GALNT17: variants seen among roughly 807,000 people sequenced by gnomAD.
GALNT17 encodes the protein UDP-GalNAc:polypeptide N-acetylgalactosaminyltransferase-like 3.
In GALNT17, 29 loss-of-function variants were observed where a neutral mutation model predicts 63.7. The observed-to-expected ratio is 0.46, with a 90% CI of 0.34 to 0.62. The LOEUF is 0.62. Ranked by LOEUF, GALNT17 falls within the 20% of genes least tolerant of loss-of-function variation. The probability of loss-of-function intolerance (pLI) is 0.01; values close to 1 mark genes in which losing one functional copy is unlikely to be tolerated. For missense variants in GALNT17, 603 were observed against 799.6 expected (o/e 0.75, Z 2.97); for synonymous variants, 305 against 318.3 (o/e 0.96, Z 0.45).
At chr7:71,620,782 C>T (rs1790278444) in intron 6 of GALNT17, among the ~76,000 whole-genome samples, 1 of 152,186 alleles carries the variant, frequency 6.6e-6, no homozygotes, top group African/African-American at 2.4e-5. Flanking sequence ...AAGCATAAAG[C>T]CTTGTCAGTG....
At position 71,416,038 on chromosome 7, in the gene GALNT17, G is replaced by T. The variant is rs1278253035; in HGVS notation, c.739G>T (p.Ala247Ser). ...CGGGCAGGTCACTGGCTTCTTTGAT[G>T]CCCACGTGGAATTCACCGCTGGCTG... is the stretch of plus-strand genomic sequence containing the variant. ...ATGQVTGFFDAHVEFTAGWAE... is the reference protein window; with the variant it reads ...ATGQVTGFFDSHVEFTAGWAE... The change falls in exon 4 of 11, where the codon GCC becomes TCC. Residue 247 changes from alanine (A) to serine (S), a missense_variant. Physicochemically the swap from Ala to Ser is moderately conservative, Grantham distance 99 (BLOSUM62 1). Coordinates refer to ENST00000333538, the MANE Select transcript of GALNT17 (RefSeq NM_022479.3). 6.2e-7 allele frequency: 1 copy of T among 1,612,912 alleles called. No individual in the cohort carries two copies. Among genetic ancestry groups the T allele is most frequent in the Non-Finnish European group, 8.5e-7 (1 of 1,179,602 alleles).
chr7:71,230,898 T>A (rs1789776157), intron 1 of GALNT17, among the ~76,000 whole-genome samples: 1 of 152,050 alleles, frequency 6.6e-6, no homozygotes, highest in Non-Finnish European at 1.5e-5. Context: ...GTGTTAGAGT[T>A]GTAAAGTCTT....
intron 6 of GALNT17, among the ~76,000 whole-genome samples, chr7:71,639,515 G>A (rs1295602110): frequency 1.3e-5 from 2 of 152,136 alleles, no homozygotes; most frequent in Non-Finnish European, 1.5e-5. Context: ...GACACTGAGC[G>A]ATTGCACGAG....
At chr7:71,358,581 G>T (rs963791742) in intron 2 of GALNT17, among the ~76,000 whole-genome samples, 1 of 152,110 alleles carries the variant, frequency 6.6e-6, no homozygotes. Context: ...CTTGCGCTCT[G>T]TATGAAGGTT....
At chr7:71,693,920 A>G (rs1791501132) in intron 9 of GALNT17, among the ~76,000 whole-genome samples, 1 of 152,016 alleles carries the variant, frequency 6.6e-6, no homozygotes. Context: ...GGAAGCTAAT[A>G]TCCACATTTG....
intron 2 of GALNT17, among the ~76,000 whole-genome samples, chr7:71,351,006 T>C (rs982384563): frequency 5.3e-5 from 8 of 152,186 alleles, no homozygotes; most frequent in Non-Finnish European, 1.0e-4. Flanking sequence ...CTGGGCATAG[T>C]GTTACACACC....
At chr7:71,381,210 CT>C (rs1563051006) in intron 2 of GALNT17, among the ~76,000 whole-genome samples, 2 of 151,892 alleles carry the variant, frequency 1.3e-5, no homozygotes, top group African/African-American at 4.8e-5. Flanking sequence ...GGTCCGCTGC[CT>C]CTACCTCCCA....
At chr7:71,183,097 G>A (rs1788765101) in intron 1 of GALNT17, among the ~76,000 whole-genome samples, 1 of 152,126 alleles carries the variant, frequency 6.6e-6, no homozygotes, top group African/African-American at 2.4e-5. Context: ...CAGAGTGAAA[G>A]GGGCTTTTTC....
At chr7:71,370,864 C>T (rs528848150) in intron 2 of GALNT17, among the ~76,000 whole-genome samples, 1 of 152,220 alleles carries the variant, frequency 6.6e-6, no homozygotes, top group South Asian at 2.1e-4. Flanking sequence ...CCTCAGCCTC[C>T]CAAAGTGCTG....
chr7:71,337,597 C>T (rs1228628113), intron 2 of GALNT17, among the ~76,000 whole-genome samples: 2 of 152,096 alleles, frequency 1.3e-5, no homozygotes, highest in African/African-American at 2.4e-5. Context: ...TGGCAGGGCA[C>T]GGTGGCTCAC....
At chr7:71,571,513 C>CATT in intron 6 of GALNT17, 111 bp downstream of exon 6, 1 of 856,142 alleles carries the variant, frequency 1.2e-6, no homozygotes, top group Non-Finnish European at 2.0e-6. Flanking sequence ...ATGACAGATT[C>CATT]ATTTACTCCA....
At chr7:71,553,313 C>A (rs1789111517) in intron 5 of GALNT17, among the ~76,000 whole-genome samples, 2 of 151,696 alleles carry the variant, frequency 1.3e-5, no homozygotes, top group Admixed American at 1.3e-4. Flanking sequence ...GGGGACAGAG[C>A]AAGACCTTGT....
chr7:71,310,921 A>C (rs1224900168), intron 1 of GALNT17, among the ~76,000 whole-genome samples: 2 of 152,208 alleles, frequency 1.3e-5, no homozygotes, highest in African/African-American at 4.8e-5. Context: ...CTACCACGGT[A>C]GTTCTCTATC....
chr7:71,221,908 A>ATTTTTTTTTTTTTTTTTTTTTT (rs370780821), intron 1 of GALNT17, among the ~76,000 whole-genome samples: 3 of 114,682 alleles, frequency 2.6e-5, no homozygotes, highest in Non-Finnish European at 5.3e-5. Flanking sequence ...CCTTATTTAG[A>ATTTTTTTTTTTTTTTTTTTTTT]TTTTTTTTTT....
At chr7:71,147,645 T>G (rs950130297) in intron 1 of GALNT17, among the ~76,000 whole-genome samples, 6 of 152,052 alleles carry the variant, frequency 3.9e-5, no homozygotes, top group Non-Finnish European at 5.9e-5. Context: ...TTTTTCTTTT[T>G]TTTTTAGACG....
At chr7:71,223,460 C>T (rs1168719339) in intron 1 of GALNT17, among the ~76,000 whole-genome samples, 17 of 152,080 alleles carry the variant, frequency 1.1e-4, no homozygotes, top group Non-Finnish European at 2.4e-4. Flanking sequence ...CTAGCTTTGA[C>T]CACTGGGAAC....
chr7:71,575,429 G>A (rs532020400), intron 6 of GALNT17, among the ~76,000 whole-genome samples: 5 of 147,616 alleles, frequency 3.4e-5, no homozygotes, highest in East Asian at 4.0e-4. Flanking sequence ...TCGCTCTGTC[G>A]CTGAGGCTGG....
chr7:71,324,049 A>G (rs1016117173), intron 1 of GALNT17, among the ~76,000 whole-genome samples: 1 of 152,196 alleles, frequency 6.6e-6, no homozygotes, highest in African/African-American at 2.4e-5. Flanking sequence ...GCAGCTTTTT[A>G]GAACCATCAG....
chr7:71,388,419 C>T lies in GALNT17; in HGVS notation c.589+18C>T, dbSNP rs149931967. On this transcript the variant is annotated intron_variant, in intron 3 of 10. Coordinates refer to ENST00000333538, the MANE Select transcript of GALNT17 (RefSeq NM_022479.3). The stretch of plus-strand genomic sequence containing the variant: ...CGACGAAGGTACAGGGGTGGCTGAC[C>T]TGTGCACAGGACATGATGACAGCAG... 6.2e-7 allele frequency: 1 copy of T among 1,611,934 alleles called. No homozygotes were observed. The highest frequency in any genetic ancestry group is 1.3e-5 in the African/African-American group (1 of 74,996).
Sources: allele counts gnomAD v4.1 joint callset (sites outside exome capture counted in the v4.1 genomes callset), GRCh38; gene constraint gnomAD v4.1.1; transcripts MANE v1.5; gene names NCBI Gene and HGNC (gene_info 2026-07-23, HGNC 2026-07-21).